Variants in FLYWCH2 observed in about 807,000 individuals in gnomAD.
FLYWCH2 encodes FLYWCH family member 2.
A neutral mutation model predicts 6.0 loss-of-function variants in FLYWCH2; 2 were observed. That is an observed-to-expected ratio of 0.33 (90% CI 0.14 to 1.04). FLYWCH2 has a LOEUF of 1.04. Ranked by LOEUF, FLYWCH2 falls within the 50% of genes least tolerant of loss-of-function variation. The probability of loss-of-function intolerance (pLI) is 0.45; values close to 1 mark genes in which losing one functional copy is unlikely to be tolerated. For synonymous variants in FLYWCH2, 87 were observed against 79.3 expected (o/e 1.10, Z -0.52); for missense variants, 192 against 183.4 (o/e 1.05, Z -0.27).
At chr16:2,897,200 T>G (rs1182159150) in intron 3 of FLYWCH2, among the ~76,000 whole-genome samples, 1 of 152,124 alleles carries the variant, frequency 6.6e-6, no homozygotes, top group Non-Finnish European at 1.5e-5. Flanking sequence ...CTTAGTAACA[T>G]CCACTGAACA....
In FLYWCH2 at chr16:2,896,754, G is replaced by A. The variant is rs766764400; in HGVS notation, c.305G>A (p.Arg102Gln). The change falls in exon 3 of 4, where the codon CGG becomes CAG. Residue 102 changes from arginine to glutamine, a missense_variant. Arg to Gln is a conservative substitution (Grantham distance 43). Transcript: ENST00000396958. ...EAAPQEPEQK[R>Q]SRQDPGTDRT... ...GCCCCTCAGGAGCCTGAGCAGAAAC[G>A]GAGCAGGCAGGACCCAGGTGAGGCT... is the stretch of plus-strand genomic sequence containing the variant. The A allele has an allele frequency of 2.5e-5, 41 of 1,610,248 alleles. No homozygotes were observed. The highest frequency in any genetic ancestry group is 3.2e-5 in the Non-Finnish European group (38 of 1,179,752).
chr16:2,895,589 TG>T (rs1271410352), intron 2 of FLYWCH2, among the ~76,000 whole-genome samples: 1 of 152,230 alleles, frequency 6.6e-6, no homozygotes, highest in African/African-American at 2.4e-5. Context: ...CACTCCAGCC[TG>T]GGCGACAGAG....
intron 1 of FLYWCH2, among the ~76,000 whole-genome samples, chr16:2,891,989 C>G (rs2069762935): frequency 6.7e-6 from 1 of 149,964 alleles, no homozygotes; most frequent in African/African-American, 2.5e-5. Context: ...GTTGGGAGTT[C>G]GAGACCAGCC....
chr16:2,898,597 G>T (rs2069848588), intron 3 of FLYWCH2, among the ~76,000 whole-genome samples: 1 of 152,206 alleles, frequency 6.6e-6, no homozygotes, highest in Admixed American at 6.5e-5. Flanking sequence ...CCTGCTCACT[G>T]CTGGGATCCA....
chr16:2,898,499 GA>G (rs2069847671), intron 3 of FLYWCH2, among the ~76,000 whole-genome samples: 1 of 152,230 alleles, frequency 6.6e-6, no homozygotes, highest in Non-Finnish European at 1.5e-5. Flanking sequence ...GCAGAGGGCA[GA>G]GGGGGTTGGA....
At chr16:2,892,800 C>T (rs1051259110) in intron 1 of FLYWCH2, among the ~76,000 whole-genome samples, 1 of 150,908 alleles carries the variant, frequency 6.6e-6, no homozygotes, top group African/African-American at 2.4e-5. Context: ...TCCGAGATCA[C>T]GCCACTGCAC....
At chr16:2,885,493 C>T (rs553725742) in intron 1 of FLYWCH2, among the ~76,000 whole-genome samples, 9 of 152,172 alleles carry the variant, frequency 5.9e-5, no homozygotes, top group Non-Finnish European at 1.2e-4. Flanking sequence ...CCGAGATAAC[C>T]ACAAATCTAC....
At position 2,895,246 on chromosome 16, in the gene FLYWCH2, C is replaced by T. The variant is rs969293988; in HGVS notation, c.-173C>T. 1 of 152,372 alleles carries T rather than the reference C, an allele frequency of 6.6e-6. No individual in the cohort carries two copies. The highest frequency in any genetic ancestry group is 2.4e-5 in the African/African-American group (1 of 41,438). 9.4% of individuals were successfully genotyped at this position (152,372 alleles called of 1,614,324 possible). A position where few individuals can be genotyped will look rare whatever the true frequency, so the allele number is the denominator to read the frequency against. On this transcript the variant is annotated 5_prime_UTR_variant, in exon 2 of 4. The change creates a new upstream start codon in the 5' untranslated region. Coordinates refer to ENST00000396958, the MANE Select transcript of FLYWCH2 (RefSeq NM_138439.3). Reference sequence around the variant, plus strand: ...CCAGAAGCCAAGGAGTCCTCAGTGACGGTGGGATCCACAACATCTCCACAT... The same window carrying T: ...CCAGAAGCCAAGGAGTCCTCAGTGATGGTGGGATCCACAACATCTCCACAT...
intron 3 of FLYWCH2, 134 bp from the exon 4 acceptor site, chr16:2,898,915 C>T (rs2069851826): frequency 5.0e-6 from 3 of 596,874 alleles, no homozygotes; most frequent in Non-Finnish European, 8.4e-6. Context: ...AGTCACTTCT[C>T]AGTCAGGCAG....
intron 1 of FLYWCH2, among the ~76,000 whole-genome samples, chr16:2,885,075 C>A (rs1433816844): frequency 1.3e-5 from 2 of 152,176 alleles, no homozygotes; most frequent in Non-Finnish European, 2.9e-5. Flanking sequence ...GTTATCCCAG[C>A]ACTTTGGGAG....
At chr16:2,889,737 C>T (rs544415310) in intron 1 of FLYWCH2, among the ~76,000 whole-genome samples, 1 of 152,188 alleles carries the variant, frequency 6.6e-6, no homozygotes, top group East Asian at 1.9e-4. Flanking sequence ...TATAGATCTT[C>T]CCCACCCCCA....
chr16:2,891,351 C>A (rs925313348), intron 1 of FLYWCH2, among the ~76,000 whole-genome samples: 49 of 152,166 alleles, frequency 3.2e-4, no homozygotes, highest in Non-Finnish European at 4.6e-4. Flanking sequence ...CTGTGCCAGG[C>A]GCAGGCAGGA....
intron 1 of FLYWCH2, among the ~76,000 whole-genome samples, chr16:2,884,417 A>G (rs1169868406): frequency 6.6e-6 from 1 of 151,944 alleles, no homozygotes; most frequent in African/African-American, 2.4e-5. Flanking sequence ...TGTCCTAACA[A>G]ATAAGGTGGC....
rs1193453221 is a variant in FLYWCH2 at position 2,899,137 on chromosome 16, C to T, written c.411C>T (p.Gly137=). 4.3e-6 allele frequency: 7 copies of T among 1,612,964 alleles called. No homozygotes were observed. Among genetic ancestry groups the T allele is most frequent in the Middle Eastern group, 1.6e-4 (1 of 6,084 alleles). ...ENFAPCSVAP[G]KSL ...TTGCCCCCTGCTCTGTGGCGCCCGG[C>T]AAGTCCCTGTAACCTTGACAACAGG... The change falls in exon 4 of 4, where the codon GGC becomes GGT. Residue 137 remains glycine, a synonymous_variant. Transcript: ENST00000396958.
At chr16:2,895,508 G>T (rs979678406) in intron 2 of FLYWCH2, among the ~76,000 whole-genome samples, 188 bp downstream of exon 2, 2 of 152,208 alleles carry the variant, frequency 1.3e-5, no homozygotes, top group African/African-American at 2.4e-5. Context: ...CAGCTACTCG[G>T]AGAGGTTGAG....
chr16:2,892,992 T>C (rs1449776499), intron 1 of FLYWCH2, among the ~76,000 whole-genome samples: 1 of 135,010 alleles, frequency 7.4e-6, no homozygotes, highest in African/African-American at 3.1e-5. Flanking sequence ...ATATGTCACA[T>C]ATATACATAT....
In FLYWCH2 at chr16:2,899,266, T is replaced by TAC; in HGVS notation, c.*117_*118insAC. 1 of 502,330 alleles carries TAC rather than the reference T, an allele frequency of 2.0e-6. No individual in the cohort carries two copies. Among genetic ancestry groups the TAC allele is most frequent in the African/African-American group, 2.4e-5 (1 of 41,920 alleles). 31.1% of individuals were successfully genotyped at this position (502,330 alleles called of 1,614,324 possible). A position where few individuals can be genotyped will look rare whatever the true frequency, so the allele number is the denominator to read the frequency against. ...TGCTTTTAACATTGTGTGATTTCTT[T>TAC]TCTTTTTTTTTTTTTTTTTAGATCA... On this transcript the variant is annotated 3_prime_UTR_variant, in exon 4 of 4. Transcript: ENST00000396958.
At chr16:2,894,011 C>A (rs2069789533) in intron 1 of FLYWCH2, among the ~76,000 whole-genome samples, 1 of 152,074 alleles carries the variant, frequency 6.6e-6, no homozygotes, top group Non-Finnish European at 1.5e-5. Flanking sequence ...CAAGGAGGTG[C>A]CTCAGGTGCC....
At chr16:2,894,985 C>T (rs1357342064) in intron 1 of FLYWCH2, among the ~76,000 whole-genome samples, 4 of 152,112 alleles carry the variant, frequency 2.6e-5, no homozygotes. Flanking sequence ...CCTTGTCCTG[C>T]CTGGGTCCTG....
Sources: allele counts gnomAD v4.1 joint callset (sites outside exome capture counted in the v4.1 genomes callset), GRCh38; gene constraint gnomAD v4.1.1; transcripts MANE v1.5; gene names NCBI Gene and HGNC (gene_info 2026-07-23, HGNC 2026-07-21).